Variants in PCSK7 observed in about 807,000 individuals in gnomAD.
The protein encoded by PCSK7 is proprotein convertase subtilisin/kexin type 7.
Under a neutral mutation model 73.3 loss-of-function variants are expected in PCSK7, and 38 were observed. The observed-to-expected ratio is 0.52, with a 90% CI of 0.40 to 0.68. The LOEUF (loss-of-function observed/expected upper bound fraction) is 0.68, where lower values mean the gene tolerates loss of function less well. PCSK7 is among the 30% of genes least tolerant of loss of function. PCSK7 has a pLI of 0.00. For missense variants in PCSK7, 692 were observed against 991.5 expected (o/e 0.70, Z 4.06); for synonymous variants, 296 against 383.8 (o/e 0.77, Z 2.68).
chr11:117,223,256 G>A lies in PCSK7; in HGVS notation c.1107C>T (p.Ser369=), dbSNP rs2032276397. The A allele has an allele frequency of 6.2e-7, 1 of 1,613,696 alleles. No individual in the cohort carries two copies. ...RMPFYAEECA[S]MLAVTFSGGD... ...CACCACTGAAGGTGACTGCCAGCATGGAGGCACATTCTTCTGCATAGAAAG... is the reference window on the plus strand; with the variant it reads ...CACCACTGAAGGTGACTGCCAGCATAGAGGCACATTCTTCTGCATAGAAAG... The change falls in exon 9 of 17, where the codon TCC becomes TCT. Residue 369 remains serine (S), a synonymous_variant. Coordinates refer to ENST00000320934, the MANE Select transcript of PCSK7 (RefSeq NM_004716.4).
intron 8 of PCSK7, chr11:117,223,735 A>T (rs1029391466): frequency 2.5e-5 from 9 of 364,406 alleles, no homozygotes; most frequent in Non-Finnish European, 4.5e-5. Context: ...GCTAACTGGG[A>T]GCACAGGCAA....
intron 12 of PCSK7, chr11:117,210,990 GAC>G (rs1259906498): frequency 6.6e-6 from 1 of 152,204 alleles, no homozygotes; most frequent in Non-Finnish European, 1.5e-5. Context: ...TGATTTTACA[GAC>G]ACAGTAGCTC....
chr11:117,229,271 C>T lies in PCSK7; in HGVS notation c.468+106G>A, dbSNP rs1191785237. ...ACCACAGAACCGGGAAATGGTCCCT[C>T]AGGCAAAGGATGGAGGTGACTGAAG... On this transcript the variant is annotated intron_variant, in intron 3 of 16. Transcript: ENST00000320934. 5 of 880,496 alleles carry T rather than the reference C, an allele frequency of 5.7e-6. No homozygotes were observed. The Admixed American group carries it at 8.7e-5, about 15-fold the overall frequency. 54.5% of individuals were successfully genotyped at this position (880,496 alleles called of 1,614,324 possible). A position where few individuals can be genotyped will look rare whatever the true frequency, so the allele number is the denominator to read the frequency against.
Position 117,225,942 on chromosome 11 carries a change from G to A in PCSK7, c.849C>T (p.Ile283=). 6.2e-7 allele frequency: 1 copy of A among 1,602,360 alleles called. No individual in the cohort carries two copies. Among genetic ancestry groups the A allele is most frequent in the Non-Finnish European group, 8.6e-7 (1 of 1,169,322 alleles). ...AFNKHYQIND[I]YSCSWGPDDD... is the part of the protein sequence containing the mutation. ...CAGCTCTGCCTCACCTGCAGCTGTA[G>A]ATGTCATTGATCTGATAGTGCTTGT... Residue 283 remains isoleucine, a synonymous_variant, in exon 6 of 17, where the codon ATC becomes ATT. Coordinates refer to ENST00000320934, the MANE Select transcript of PCSK7 (RefSeq NM_004716.4).
In PCSK7 at chr11:117,229,601, C is replaced by T. The variant is rs1289520440; in HGVS notation, c.244G>A (p.Gly82Arg). The T allele has an allele frequency of 6.2e-7, 1 of 1,614,150 alleles. No individual in the cohort carries two copies. Among genetic ancestry groups the T allele is most frequent in the Non-Finnish European group, 8.5e-7 (1 of 1,180,014 alleles). ...CCGATGCGTCCAGCATTCACCAGCC[C>T]TGCTGCCTGGGCCAAGGCATCCGCC... ...QQADALAQAA[G>R]LVNAGRIGEL... The change falls in exon 3 of 17, where the codon GGG (glycine) becomes AGG (arginine). Residue 82 changes from glycine to arginine, a missense_variant. By Grantham distance (125) the Gly-to-Arg change is moderately radical (BLOSUM62 -2). Around this residue, in one of 6 missense-constraint regions of PCSK7, gnomAD observed 574 missense variants for 689.8 expected, o/e 0.83. Coordinates refer to ENST00000320934, the MANE Select transcript of PCSK7 (RefSeq NM_004716.4).
At chr11:117,220,348 T>A (rs2032142761) in intron 9 of PCSK7, 1 of 152,526 alleles carries the variant, frequency 6.6e-6, no homozygotes, top group Non-Finnish European at 1.5e-5. Context: ...GTTCCAGCGA[T>A]CCTCCTGCTT....
intron 3 of PCSK7, among the ~76,000 whole-genome samples, chr11:117,228,930 C>T (rs554869474): frequency 2.0e-5 from 3 of 152,174 alleles, no homozygotes; most frequent in East Asian, 1.9e-4. Flanking sequence ...AGATGATACA[C>T]CTCTTATGCC....
Position 117,219,117 on chromosome 11 carries a change from G to A in PCSK7, c.1371C>T (p.Ser457=), listed in dbSNP as rs2032098780. 2 of 1,611,100 alleles carry A rather than the reference G, an allele frequency of 1.2e-6. No homozygotes were observed. Among genetic ancestry groups the A allele is most frequent in the African/African-American group, 2.7e-5 (2 of 74,920 alleles). ...AEWVTNEAGF[S]HSHQHGFGLL... ...GGCCGAAACCGTGCTGGTGGCTATG[G>A]CTGAAGCCTGCCTCGTTGGTGACCC... Residue 457 remains serine, a synonymous_variant, in exon 11 of 17, where the codon AGC becomes AGT. Transcript: ENST00000320934.
rs471009 is a variant in PCSK7 at position 117,208,938 on chromosome 11, A to T, written c.1650T>A (p.Ser550Arg). The stretch of plus-strand genomic sequence containing the variant: ...GGGCGCCGATGAGGGACATCATGCC[A>T]CTGGGGCAGAACAGCTTCAGCTCCA... Reference protein sequence around the residue: ...GSLELKLFCPSGMMSLIGAPR... With the variant: ...GSLELKLFCPRGMMSLIGAPR... The change falls in exon 13 of 17, where the codon AGT becomes AGA. Residue 550 changes from serine (S) to arginine (R), a missense_variant. By Grantham distance (110) the Ser-to-Arg change is moderately radical. Coordinates refer to ENST00000320934, the MANE Select transcript of PCSK7 (RefSeq NM_004716.4). 3.0e-5 allele frequency: 49 copies of T among 1,612,238 alleles called. No individual in the cohort carries two copies. The highest frequency in any genetic ancestry group is 1.8e-4 in the Middle Eastern group (1 of 5,426).
At chr11:117,225,458 G>A (rs752351866) in intron 6 of PCSK7, 2 of 174,020 alleles carry the variant, frequency 1.1e-5, no homozygotes, top group South Asian at 1.4e-4. Flanking sequence ...ATCGGGAAGT[G>A]TACCCTGTGG....
chr11:117,207,629 ATGG>A (rs1232089354), intron 14 of PCSK7: 26 of 542,744 alleles, frequency 4.8e-5, no homozygotes, highest in African/African-American at 4.5e-4. Context: ...TTTAAAAAAA[ATGG>A]TGAAATGAGT....
chr11:117,226,401 G>C, intron 5 of PCSK7: 1 of 247,718 alleles, frequency 4.0e-6, no homozygotes, highest in South Asian at 5.2e-5. Flanking sequence ...CTCCCAAAGT[G>C]CTGGGATTAC....
At chr11:117,224,612 G>A in intron 7 of PCSK7, 89 bp downstream of exon 7, 1 of 1,045,706 alleles carries the variant, frequency 9.6e-7, no homozygotes, top group Non-Finnish European at 1.5e-6. Flanking sequence ...TGGAGGTGGA[G>A]TGGGAAGATG....
At position 117,227,163 on chromosome 11, in the gene PCSK7, T is replaced by C; in HGVS notation, c.763A>G (p.Ile255Val). 6.3e-7 allele frequency: 1 copy of C among 1,598,996 alleles called. No individual in the cohort carries two copies. Among genetic ancestry groups the C allele is most frequent in the Non-Finnish European group, 8.5e-7 (1 of 1,172,312 alleles). ...GGCTGGAGGCACAAGTTACCTGCGATGCGGCTCCCGTAGGCCACGCCCACG... is the reference window on the plus strand; with the variant it reads ...GGCTGGAGGCACAAGTTACCTGCGACGCGGCTCCCGTAGGCCACGCCCACG... ...CAVGVAYGSR[I>V]AGIRVLDGPL... Residue 255 changes from isoleucine to valine, a missense_variant, in exon 5 of 17, where the codon ATC (isoleucine) becomes GTC (valine). Transcript: ENST00000320934.
Position 117,229,801 on chromosome 11 carries a change from A to AG in PCSK7, c.43dup (p.Leu15ProfsTer31). 1.3e-6 allele frequency: 2 copies of AG among 1,599,430 alleles called. No homozygotes were observed. The highest frequency in any genetic ancestry group is 8.5e-7 in the Non-Finnish European group (1 of 1,172,122). On this transcript the variant is annotated frameshift_variant, in exon 3 of 17. Coordinates refer to ENST00000320934, the MANE Select transcript of PCSK7 (RefSeq NM_004716.4). LOFTEE classifies it high-confidence loss of function. ...CAGCCAGAGGCAGGTGGGCAGGCCC[A>AG]GGGGGGCATCCAAGTGTGGCACTTT...
chr11:117,228,581 T>C (rs2032518672), intron 3 of PCSK7, among the ~76,000 whole-genome samples: 1 of 151,060 alleles, frequency 6.6e-6, no homozygotes, highest in Admixed American at 6.6e-5. Context: ...GATAAAATGG[T>C]AGCTAGGGTG....
At chr11:117,219,456 C>A in intron 10 of PCSK7, 135 bp downstream of exon 10, 1 of 859,974 alleles carries the variant, frequency 1.2e-6, no homozygotes, top group Non-Finnish European at 1.8e-6. Flanking sequence ...CTGTTCTTTA[C>A]ATATGCAACT....
At chr11:117,222,411 ACTC>A (rs976841388) in intron 9 of PCSK7, 1 of 151,174 alleles carries the variant, frequency 6.6e-6, no homozygotes, top group African/African-American at 2.4e-5. Flanking sequence ...ACATTCCCCC[ACTC>A]CTCTTCCCAC....
intron 12 of PCSK7, chr11:117,215,121 G>C (rs2031905481): frequency 1.3e-5 from 2 of 152,058 alleles, no homozygotes; most frequent in South Asian, 4.1e-4. Flanking sequence ...CAATATGGTA[G>C]CCCTTAGCCA....
Sources: allele counts gnomAD v4.1 joint callset (sites outside exome capture counted in the v4.1 genomes callset), GRCh38; gene constraint gnomAD v4.1.1; regional missense constraint gnomAD v4.1.1; transcripts MANE v1.5; gene names NCBI Gene and HGNC (gene_info 2026-07-23, HGNC 2026-07-21).